DHCR7: variants seen among roughly 807,000 people sequenced by gnomAD.
DHCR7 encodes 7-DHC reductase.
In DHCR7, 40 loss-of-function variants were observed where a neutral mutation model predicts 43.3. That is an observed-to-expected ratio of 0.92 (90% confidence interval 0.72 to 1.20). DHCR7 has a LOEUF of 1.20. DHCR7 is among the 50% of genes most tolerant of loss of function. The pLI, the probability that DHCR7 is intolerant of heterozygous loss-of-function variation, is 0.00. For synonymous variants in DHCR7, 298 were observed against 271.4 expected (o/e 1.10, Z -0.96); for missense variants, 608 against 644.6 (o/e 0.94, Z 0.62).
downstream of DHCR7, among the ~76,000 whole-genome samples, chr11:71,433,934 G>A (rs747681712): frequency 5.9e-5 from 9 of 152,208 alleles, no homozygotes; most frequent in African/African-American, 9.6e-5. Flanking sequence ...CAGCCTGGGC[G>A]GGTCACAGTT....
chr11:71,444,882 G>A lies in DHCR7; in HGVS notation c.71C>T (p.Ala24Val), dbSNP rs530687139. 1 of 1,614,202 alleles carries A rather than the reference G, an allele frequency of 6.2e-7. No individual in the cohort carries two copies. The highest frequency in any genetic ancestry group is 2.2e-5 in the East Asian group (1 of 44,880). The change falls in exon 3 of 9, where the codon GCA becomes GTA. Residue 24 changes from alanine (A) to valine (V), a missense_variant. By Grantham distance (64) the Ala-to-Val change is moderately conservative. Coordinates refer to ENST00000355527, the MANE Select transcript of DHCR7 (RefSeq NM_001360.3). The stretch of plus-strand genomic sequence containing the variant: ...GGCACGGCCCCACTGCCCTTGAGAT[G>A]CGGTTCTGTCATTGGTGACGCCATC... ...SLDGVTNDRT[A>V]SQGQWGRAWE...
Position 71,435,583 on chromosome 11 carries a change from T to C in DHCR7, c.1220A>G (p.Asn407Ser), listed in dbSNP as rs746591926. 2 of 1,611,360 alleles carry C rather than the reference T, an allele frequency of 1.2e-6. No homozygotes were observed. The highest frequency in any genetic ancestry group is 1.7e-6 in the Non-Finnish European group (2 of 1,179,898). ...SGFWGVARHF[N>S]YVGDLMGSLA... is the part of the protein sequence containing the mutation. ...GCTGCCCATCAGGTCGCCGACGTAGTTGAAGTGGCGGGCCACGCCCCAGAA... is the reference window on the plus strand; with the variant it reads ...GCTGCCCATCAGGTCGCCGACGTAGCTGAAGTGGCGGGCCACGCCCCAGAA... The change falls in exon 9 of 9, where the codon AAC becomes AGC. Residue 407 changes from asparagine (N) to serine (S), a missense_variant. Coordinates refer to ENST00000355527, the MANE Select transcript of DHCR7 (RefSeq NM_001360.3).
exon 3 of DHCR7, chr11:71,428,666 C>G: frequency 2.9e-6 from 1 of 349,082 alleles, no homozygotes; most frequent in South Asian, 2.1e-5. Context: ...TTAGTGTATT[C>G]CAAGGTACAG....
chr11:71,435,092 C>A lies in DHCR7; in HGVS notation c.*283G>T, dbSNP rs1949256661. 1.6e-6 allele frequency: 1 copy of A among 631,074 alleles called. No individual in the cohort carries two copies. 39.1% of individuals were successfully genotyped at this position (631,074 alleles called of 1,614,324 possible). On this transcript the variant is annotated 3_prime_UTR_variant, in exon 9 of 9. Coordinates refer to ENST00000355527, the MANE Select transcript of DHCR7 (RefSeq NM_001360.3). ...ATACAGGTAAATTGTCTCCAAAGGA[C>A]TAGTAAAGGTGACTGGGTCATCCTC...
chr11:71,441,124 TCA>T, intron 6 of DHCR7, 101 bp downstream of exon 6: 1 of 1,066,346 alleles, frequency 9.4e-7, no homozygotes, highest in Admixed American at 1.8e-5. Context: ...CCACGGATTC[TCA>T]GTGCTCAGGG....
intron 3 of DHCR7, 75 bp downstream of exon 3, chr11:71,444,780 C>T: frequency 3.8e-6 from 5 of 1,319,536 alleles, no homozygotes; most frequent in Non-Finnish European, 4.4e-6. Context: ...CCTTTGGGTC[C>T]ATACAATTCC....
upstream of DHCR7, chr11:71,448,782 AGCGTATGTCCAGGC>A (rs1949433173): frequency 6.6e-6 from 1 of 152,250 alleles, no homozygotes; most frequent in African/African-American, 2.4e-5. Context: ...ACATTGATGG[AGCGTATGTCCAGGC>A]GCCGGTGCAC....
At chr11:71,438,529 C>T (rs1020152501) in intron 7 of DHCR7, among the ~76,000 whole-genome samples, 2 of 152,164 alleles carry the variant, frequency 1.3e-5, no homozygotes, top group African/African-American at 4.8e-5. Context: ...TTGCCACCCT[C>T]TCTCCCTACA....
In DHCR7 at chr11:71,444,862, G is replaced by A. The variant is rs367585401; in HGVS notation, c.91C>T (p.Arg31Cys). ...DRTASQGQWGRAWEVDWFSLA... is the reference protein window; with the variant it reads ...DRTASQGQWGCAWEVDWFSLA... ...AACAGGCAAGATCCTTACCAGGCAC[G>A]GCCCCACTGCCCTTGAGATGCGGTT... Residue 31 changes from arginine (R) to cysteine (C), a missense_variant, in exon 3 of 9, where the codon CGT (arginine) becomes TGT (cysteine). Physicochemically the swap from Arg to Cys is radical, Grantham distance 180. Coordinates refer to ENST00000355527, the MANE Select transcript of DHCR7 (RefSeq NM_001360.3). 3.3e-5 allele frequency: 54 copies of A among 1,613,950 alleles called. 1 individual carries two copies. The highest frequency in any genetic ancestry group is 3.3e-4 in the Middle Eastern group (2 of 6,060).
intron 6 of DHCR7, among the ~76,000 whole-genome samples, chr11:71,440,012 G>A (rs1280570528): frequency 6.6e-6 from 1 of 151,958 alleles, no homozygotes. Context: ...CCAAACATTG[G>A]TTTATGATGG....
downstream of DHCR7, among the ~76,000 whole-genome samples, chr11:71,433,681 G>A (rs1949242366): frequency 6.6e-6 from 1 of 152,168 alleles, no homozygotes; most frequent in South Asian, 2.1e-4. Flanking sequence ...AGGCAGGGAG[G>A]CCCGGATCTG....
intron 8 of DHCR7, 51 bp from the exon 9 acceptor site, chr11:71,435,890 C>T (rs1949275124): frequency 1.3e-6 from 2 of 1,524,134 alleles, no homozygotes; most frequent in Non-Finnish European, 1.8e-6. Flanking sequence ...AGGGAGAGGA[C>T]AGGAGTGTGG....
At chr11:71,443,888 C>T (rs909851264) in intron 4 of DHCR7, 105 bp downstream of exon 4, 8 of 927,268 alleles carry the variant, frequency 8.6e-6, no homozygotes, top group African/African-American at 1.7e-5. Context: ...ACCCAGATGT[C>T]AACCTGAGCC....
In DHCR7 at chr11:71,447,626, A is replaced by G. The variant is rs12573951; in HGVS notation, c.-23T>C. 0.047 allele frequency: 7,181 copies of G among 152,296 alleles called. 230 individuals carry two copies. Among genetic ancestry groups the G allele is most frequent in the South Asian group, 0.11 (554 of 4,826 alleles). The allele number at this position is 152,296 out of a possible 1,614,324, so 9.4% of individuals were successfully genotyped here. Reference sequence around the variant, plus strand: ...TACACTTACCTCCAGCCTCTTGCCAAATAGTTTCACAGCAGAAGGGAACTT... The same window carrying G: ...TACACTTACCTCCAGCCTCTTGCCAGATAGTTTCACAGCAGAAGGGAACTT... On this transcript the variant is annotated 5_prime_UTR_variant, in exon 2 of 9. Transcript: ENST00000355527.
chr11:71,441,474 T>C (rs1320387485), intron 5 of DHCR7, 34 bp from the exon 6 acceptor site: 1 of 1,554,306 alleles, frequency 6.4e-7, no homozygotes, highest in Admixed American at 1.8e-5. Context: ...GAAGGCGCTT[T>C]CCCAACCCGC....
Position 71,442,340 on chromosome 11 carries a change from G to A in DHCR7, c.335C>T (p.Thr112Met), listed in dbSNP as rs770040020. 9.9e-6 allele frequency: 16 copies of A among 1,613,600 alleles called. No individual in the cohort carries two copies. The highest frequency in any genetic ancestry group is 8.3e-5 in the Admixed American group (5 of 59,966). The stretch of plus-strand genomic sequence containing the variant: ...CTTATGGCAGAAGTCAGGGAGAGAC[G>A]TGTACAGAAGCACCTGAAACACACA... The part of the protein sequence containing the change: ...LWVTFQVLLY[T>M]SLPDFCHKFL... The change falls in exon 5 of 9, where the codon ACG (threonine) becomes ATG (methionine). Residue 112 changes from threonine (T) to methionine (M), a missense_variant. Coordinates refer to ENST00000355527, the MANE Select transcript of DHCR7 (RefSeq NM_001360.3).
chr11:71,445,191 A>G (rs1949393275), intron 2 of DHCR7, among the ~76,000 whole-genome samples: 1 of 152,166 alleles, frequency 6.6e-6, no homozygotes, highest in Non-Finnish European at 1.5e-5. Flanking sequence ...TGCTCTTGCT[A>G]GTCTCAGTTC....
Position 71,435,343 on chromosome 11 carries a change from A to T in DHCR7, c.*32T>A. ...GGACCTGGCAGAACACGCTCTTGAC[A>T]GCCCCACAGGGCTTCTCCCTAGGGC... On this transcript the variant is annotated 3_prime_UTR_variant, in exon 9 of 9. Transcript: ENST00000355527. 3.1e-6 allele frequency: 5 copies of T among 1,606,182 alleles called. No individual in the cohort carries two copies. Among genetic ancestry groups the T allele is most frequent in the Non-Finnish European group, 4.2e-6 (5 of 1,177,522 alleles).
chr11:71,435,887 G>A, intron 8 of DHCR7, 48 bp from the exon 9 acceptor site: 3 of 1,529,664 alleles, frequency 2.0e-6, no homozygotes, highest in Non-Finnish European at 2.7e-6. Flanking sequence ...CCCAGGGAGA[G>A]GACAGGAGTG....
Sources: allele counts gnomAD v4.1 joint callset (sites outside exome capture counted in the v4.1 genomes callset), GRCh38; gene constraint gnomAD v4.1.1; transcripts MANE v1.5; gene names NCBI Gene and HGNC (gene_info 2026-07-23, HGNC 2026-07-21).